Variants in SLC10A7 observed in about 807,000 individuals in gnomAD.
The protein encoded by SLC10A7 is sodium/bile acid cotransporter 7.
A neutral mutation model predicts 43.2 loss-of-function variants in SLC10A7; 29 were observed. The observed-to-expected ratio is 0.67, with a 90% CI of 0.50 to 0.92. SLC10A7 has a LOEUF of 0.92. Ranked by LOEUF, SLC10A7 falls within the 40% of genes least tolerant of loss-of-function variation. SLC10A7 has a pLI of 0.00. For synonymous variants in SLC10A7, 152 were observed against 144.8 expected (o/e 1.05, Z -0.35); for missense variants, 295 against 403.2 (o/e 0.73, Z 2.30).
intron 4 of SLC10A7, among the ~76,000 whole-genome samples, chr4:146,444,367 C>G (rs1730855053): frequency 6.6e-6 from 1 of 152,190 alleles, no homozygotes; most frequent in Admixed American, 6.5e-5. Flanking sequence ...AAGTCCCTTT[C>G]ACTAACATTT....
intron 4 of SLC10A7, among the ~76,000 whole-genome samples, chr4:146,476,213 T>C (rs978459389): frequency 6.6e-6 from 1 of 152,164 alleles, no homozygotes; most frequent in African/African-American, 2.4e-5. Context: ...CTAACACTCT[T>C]CACCTCCTTA....
In SLC10A7 at chr4:146,256,501, G is replaced by A. The variant is rs758686469; in HGVS notation, c.1013C>T (p.Pro338Leu). 6.2e-6 allele frequency: 10 copies of A among 1,613,762 alleles called. No individual in the cohort carries two copies. The highest frequency in any genetic ancestry group is 2.2e-5 in the South Asian group (2 of 91,056). Residue 338 changes from proline (P) to leucine (L), a missense_variant, in exon 12 of 12, where the codon CCG becomes CTG. This residue lies in a region of SLC10A7 where 242 missense variants were observed against 362.5 expected (regional missense o/e 0.67). Coordinates refer to ENST00000335472, the MANE Select transcript of SLC10A7 (RefSeq NM_001029998.6). The stretch of plus-strand genomic sequence containing the variant: ...AGTCCACCTCCTTTGTTATACTGTC[G>A]GCCTTGTCAGCTTCACTCCCTACAA... ...SRQKGVKLTR[P>L]TV is the part of the protein sequence containing the mutation.
intron 5 of SLC10A7, among the ~76,000 whole-genome samples, chr4:146,367,814 A>G (rs528454916): frequency 5.3e-5 from 8 of 152,338 alleles, no homozygotes; most frequent in South Asian, 4.1e-4. Context: ...TGTCTAATAA[A>G]TAAATATTCA....
At chr4:146,274,347 G>T (rs1340079679) in intron 10 of SLC10A7, among the ~76,000 whole-genome samples, 2 of 151,850 alleles carry the variant, frequency 1.3e-5, no homozygotes, top group Non-Finnish European at 2.9e-5. Context: ...GGGATTACAG[G>T]TGCCTGCCAC....
intron 4 of SLC10A7, among the ~76,000 whole-genome samples, chr4:146,464,291 T>C (rs1732810689): frequency 6.6e-6 from 1 of 152,182 alleles, no homozygotes; most frequent in South Asian, 2.1e-4. Flanking sequence ...TACAAAACAG[T>C]ACGCATTGTA....
chr4:146,275,047 C>T (rs1306112622), intron 10 of SLC10A7, among the ~76,000 whole-genome samples: 1 of 152,126 alleles, frequency 6.6e-6, no homozygotes, highest in Non-Finnish European at 1.5e-5. Flanking sequence ...AGAGGTGACT[C>T]TAGATGGCAA....
At chr4:146,439,599 G>A (rs1158968431) in intron 5 of SLC10A7, among the ~76,000 whole-genome samples, 1 of 151,962 alleles carries the variant, frequency 6.6e-6, no homozygotes, top group Non-Finnish European at 1.5e-5. Flanking sequence ...TCATGACAAA[G>A]CTTCAATAAA....
intron 5 of SLC10A7, among the ~76,000 whole-genome samples, chr4:146,368,956 T>C (rs1338779849): frequency 6.6e-6 from 1 of 152,202 alleles, no homozygotes; most frequent in Non-Finnish European, 1.5e-5. Context: ...TGACAAATTA[T>C]TTTGAGAGCT....
At chr4:146,451,888 C>G (rs1358228925) in intron 4 of SLC10A7, among the ~76,000 whole-genome samples, 1 of 152,000 alleles carries the variant, frequency 6.6e-6, no homozygotes, top group African/African-American at 2.4e-5. Context: ...CTGCCGAGAG[C>G]AGCAAAAGCT....
chr4:146,519,022 C>T (rs538388958), intron 1 of SLC10A7, among the ~76,000 whole-genome samples: 4 of 137,038 alleles, frequency 2.9e-5, no homozygotes, highest in African/African-American at 1.1e-4. Context: ...AAACCCTCCA[C>T]TTGTTCGATA....
chr4:146,406,162 A>G (rs930677368), intron 5 of SLC10A7, among the ~76,000 whole-genome samples: 1 of 152,192 alleles, frequency 6.6e-6, no homozygotes, highest in African/African-American at 2.4e-5. Context: ...AATCATTGAA[A>G]ATTAAATAAA....
intron 4 of SLC10A7, among the ~76,000 whole-genome samples, chr4:146,469,135 C>A (rs1579269450): frequency 6.6e-6 from 1 of 152,258 alleles, no homozygotes; most frequent in East Asian, 1.9e-4. Flanking sequence ...TACGAACAAA[C>A]CCCTCTGTCA....
At chr4:146,417,083 T>C (rs530242812) in intron 5 of SLC10A7, among the ~76,000 whole-genome samples, 1 of 152,332 alleles carries the variant, frequency 6.6e-6, no homozygotes, top group African/African-American at 2.4e-5. Context: ...TACATTTTAG[T>C]TGTTGTATTC....
intron 5 of SLC10A7, among the ~76,000 whole-genome samples, chr4:146,397,527 G>A (rs959959854): frequency 8.5e-5 from 13 of 152,144 alleles, no homozygotes; most frequent in South Asian, 2.1e-4. Context: ...TGGTCTGCAC[G>A]AGGGATAGTT....
intron 5 of SLC10A7, among the ~76,000 whole-genome samples, chr4:146,392,427 A>T (rs1027000770): frequency 6.6e-6 from 1 of 152,338 alleles, no homozygotes; most frequent in East Asian, 1.9e-4. Context: ...AGTGGGAGAT[A>T]TATATGTATG....
At chr4:146,371,990 T>C (rs973754439) in intron 5 of SLC10A7, among the ~76,000 whole-genome samples, 3 of 152,140 alleles carry the variant, frequency 2.0e-5, no homozygotes, top group African/African-American at 7.2e-5. Flanking sequence ...ATGTTTTATG[T>C]CAAATGGGTG....
chr4:146,450,805 T>C (rs1423087872), intron 4 of SLC10A7, among the ~76,000 whole-genome samples: 1 of 152,122 alleles, frequency 6.6e-6, no homozygotes, highest in Admixed American at 6.6e-5. Flanking sequence ...GAAGGGGCAG[T>C]GGAACTTCTA....
chr4:146,322,938 A>G (rs907571698), intron 6 of SLC10A7, among the ~76,000 whole-genome samples: 25 of 152,038 alleles, frequency 1.6e-4, no homozygotes, highest in Non-Finnish European at 3.4e-4. Context: ...ATGGTATCTC[A>G]TTGTGGTTTT....
chr4:146,325,674 G>A (rs952159970), intron 6 of SLC10A7, among the ~76,000 whole-genome samples: 1 of 152,112 alleles, frequency 6.6e-6, no homozygotes, highest in East Asian at 1.9e-4. Flanking sequence ...AGAAAATAAA[G>A]AGCAGCGCAG....
Sources: gnomAD v4.1 joint callset for allele counts (sites outside exome capture counted in the v4.1 genomes callset) on GRCh38, gnomAD v4.1.1 for gene constraint, gnomAD v4.1.1 regional missense constraint, MANE v1.5 for transcripts, NCBI Gene and HGNC (gene_info 2026-07-23, HGNC 2026-07-21) for gene names.